Variants in FYCO1 observed in about 807,000 individuals in gnomAD.
The protein encoded by FYCO1 is FYVE and coiled-coil domain-containing protein 1.
A neutral mutation model predicts 165.1 loss-of-function variants in FYCO1; 122 were observed. That is an observed-to-expected ratio of 0.74 (90% CI 0.64 to 0.86). The LOEUF (loss-of-function observed/expected upper bound fraction) is 0.86, where lower values mean the gene tolerates loss of function less well. Among genes scored for constraint, FYCO1 ranks in the 40% least tolerant of loss-of-function variants. The pLI is 0.00. For synonymous variants in FYCO1, 648 were observed against 742.5 expected, an observed-to-expected ratio of 0.87 and a Z score of 2.07; for missense variants, 1,702 against 1,810.3, an observed-to-expected ratio of 0.94 and a Z score of 1.09.
In FYCO1 at chr3:45,958,488, C is replaced by T. The variant is rs1235644302; in HGVS notation, c.3719G>A (p.Ser1240Asn). ...CTCTCCCTGGCTAGTGCCTGAGCCA[C>T]TGCTATCAGGGGAGCCAGGGCCTTC... The part of the protein sequence containing the change: ...LSEGPGSPDS[S>N]GSGTSQGEPS... Residue 1240 changes from serine (S) to asparagine (N), a missense_variant, in exon 13 of 18, where the codon AGT (serine) becomes AAT (asparagine). By Grantham distance (46) the Ser-to-Asn change is conservative. Transcript: ENST00000296137. 1.2e-6 allele frequency: 2 copies of T among 1,614,082 alleles called. No individual in the cohort carries two copies. Among genetic ancestry groups the T allele is most frequent in the Admixed American group, 3.3e-5 (2 of 60,030 alleles).
At position 45,958,518 on chromosome 3, in the gene FYCO1, A is replaced by G; in HGVS notation, c.3689T>C (p.Leu1230Pro). ...ATCAGGGGAGCCAGGGCCTTCACTG[A>G]GCTTCTGGAAACAGGCTCGGCAGCA... The part of the protein sequence containing the change: ...ERCCRACFQK[L>P]SEGPGSPDSS... The change falls in exon 13 of 18, where the codon CTC (leucine) becomes CCC (proline). Residue 1230 changes from leucine to proline, a missense_variant. By Grantham distance (98) the Leu-to-Pro change is moderately conservative. Transcript: ENST00000296137. 6.2e-7 allele frequency: 1 copy of G among 1,614,186 alleles called. No individual in the cohort carries two copies. Among genetic ancestry groups the G allele is most frequent in the Non-Finnish European group, 8.5e-7 (1 of 1,180,042 alleles).
chr3:45,958,010 A>T (rs952020434), intron 13 of FYCO1, among the ~76,000 whole-genome samples: 2 of 152,218 alleles, frequency 1.3e-5, no homozygotes, highest in African/African-American at 4.8e-5. Flanking sequence ...TTGGACATGA[A>T]GGAAGAGCGA....
chr3:45,950,525 G>A (rs1704945770), intron 14 of FYCO1, among the ~76,000 whole-genome samples: 1 of 152,110 alleles, frequency 6.6e-6, no homozygotes, highest in Non-Finnish European at 1.5e-5. Flanking sequence ...AAGCGAAGAG[G>A]ATGGGGCCCA....
At chr3:45,946,542 G>T (rs144386806) in intron 14 of FYCO1, 37 of 1,614,106 alleles carry the variant, frequency 2.3e-5, no homozygotes, top group Non-Finnish European at 3.1e-5. Flanking sequence ...CAGCAGCCAG[G>T]AGGAGCATCA....
intron 16 of FYCO1, among the ~76,000 whole-genome samples, chr3:45,926,703 G>T (rs62245105): frequency 1.3e-5 from 2 of 152,182 alleles, no homozygotes; most frequent in East Asian, 1.9e-4. Flanking sequence ...GGTGGCTCAC[G>T]CCCGTAATCT....
rs765697619 is a variant in FYCO1 at position 45,966,811 on chromosome 3, A to G, written c.2523T>C (p.His841=). The change falls in exon 8 of 18, where the codon CAT becomes CAC. Residue 841 remains histidine, a synonymous_variant. Coordinates refer to ENST00000296137, the MANE Select transcript of FYCO1 (RefSeq NM_024513.4). ...KEQNEALNRA[H]VQELLQCSER... ...CCGAGCATTGCAGCAGCTCCTGGAC[A>G]TGGGCTCTGTTAAGGGCTTCATTCT... 7 of 1,610,304 alleles carry G rather than the reference A, an allele frequency of 4.3e-6. No individual in the cohort carries two copies. The highest frequency in any genetic ancestry group is 1.6e-4 in the Middle Eastern group (1 of 6,084).
chr3:45,958,688 A>C, intron 12 of FYCO1, 69 bp from the exon 13 acceptor site: 1 of 1,500,660 alleles, frequency 6.7e-7, no homozygotes, highest in South Asian at 1.1e-5. Flanking sequence ...CTCAGCACCC[A>C]AACTGGGCTC....
rs147079093 is a variant in FYCO1, at chr3:45,946,507, A to C, written c.3944+8742T>G. 121 of 1,613,930 alleles carry C rather than the reference A, an allele frequency of 7.5e-5. No homozygotes were observed. The highest frequency in any genetic ancestry group is 9.3e-5 in the Non-Finnish European group (110 of 1,179,936). On this transcript the variant is annotated intron_variant, in intron 14 of 17. Transcript: ENST00000296137. ...ATGGCAGAGCATGATTACCATGAAG[A>C]CTATGGGTTCAGCAGTTTCAATGAC...
At chr3:45,940,695 C>G (rs921926218) in intron 14 of FYCO1, among the ~76,000 whole-genome samples, 1 of 152,124 alleles carries the variant, frequency 6.6e-6, no homozygotes, top group African/African-American at 2.4e-5. Flanking sequence ...CCATTTGTTC[C>G]TGCTCTAAAA....
intron 15 of FYCO1, among the ~76,000 whole-genome samples, chr3:45,935,444 C>T (rs933068367): frequency 1.6e-4 from 25 of 152,238 alleles, no homozygotes; most frequent in Non-Finnish European, 3.4e-4. Context: ...CACTCTGACT[C>T]CACCTCCTGG....
At position 45,967,537 on chromosome 3, in the gene FYCO1, C is replaced by T. The variant is rs751852686; in HGVS notation, c.1797G>A (p.Gln599=). The change falls in exon 8 of 18, where the codon CAG becomes CAA. Residue 599 remains glutamine, a synonymous_variant. Transcript: ENST00000296137. The stretch of plus-strand genomic sequence containing the variant: ...CCTCTTGCACCTTGGTATCGTCTAA[C>T]TGTGCCTCCTGCAGGCCCCTCTGCT... The part of the protein sequence containing the change: ...EEEQRGLQEA[Q]LDDTKVQEGS... The T allele has an allele frequency of 2.5e-6, 4 of 1,613,936 alleles. No homozygotes were observed. The highest frequency in any genetic ancestry group is 3.4e-6 in the Non-Finnish European group (4 of 1,179,970).
chr3:45,938,844 T>C (rs1704043215), intron 14 of FYCO1, among the ~76,000 whole-genome samples: 1 of 152,188 alleles, frequency 6.6e-6, no homozygotes, highest in African/African-American at 2.4e-5. Context: ...TAGGTAGCCG[T>C]GCAAAATGTA....
At position 45,967,298 on chromosome 3, in the gene FYCO1, G is replaced by A. The variant is rs3796375; in HGVS notation, c.2036C>T (p.Ala679Val). ...SIRHLGDQMEASLLAVRKAKE... is the reference protein window; with the variant it reads ...SIRHLGDQMEVSLLAVRKAKE... ...GGCCTTCCTTACAGCCAGCAAGCTCGCCTCCATCTGGTCACCCAAGTGCCG... is the reference window on the plus strand; with the variant it reads ...GGCCTTCCTTACAGCCAGCAAGCTCACCTCCATCTGGTCACCCAAGTGCCG... The change falls in exon 8 of 18, where the codon GCG becomes GTG. Residue 679 changes from alanine (A) to valine (V), a missense_variant. By Grantham distance (64) the Ala-to-Val change is moderately conservative. Coordinates refer to ENST00000296137, the MANE Select transcript of FYCO1 (RefSeq NM_024513.4). The A allele has an allele frequency of 0.42, 679,558 of 1,613,460 alleles. 149,403 individuals are homozygous for A. The highest frequency in any genetic ancestry group is 0.64 in the East Asian group (28,814 of 44,842).
Position 45,958,507 on chromosome 3 carries a change from G to T in FYCO1, c.3700C>A (p.Pro1234Thr), listed in dbSNP as rs754976353. The T allele has an allele frequency of 1.2e-6, 2 of 1,614,048 alleles. No individual in the cohort carries two copies. Among genetic ancestry groups the T allele is most frequent in the Admixed American group, 3.3e-5 (2 of 60,006 alleles). The change falls in exon 13 of 18, where the codon CCT (proline) becomes ACT (threonine). Residue 1234 changes from proline to threonine, a missense_variant. Transcript: ENST00000296137. ...GAGCCACTGCTATCAGGGGAGCCAG[G>T]GCCTTCACTGAGCTTCTGGAAACAG... is the stretch of plus-strand genomic sequence containing the variant. ...RACFQKLSEG[P>T]GSPDSSGSGT...
chr3:45,941,533 T>C (rs985938088), intron 14 of FYCO1, among the ~76,000 whole-genome samples: 3 of 152,232 alleles, frequency 2.0e-5, no homozygotes, highest in African/African-American at 7.2e-5. Context: ...AAACGGCATT[T>C]TGTAAAGTGA....
chr3:45,962,363 G>A lies in FYCO1; in HGVS notation c.3299C>T (p.Thr1100Ile), dbSNP rs1170702839. 1 of 1,614,148 alleles carries A rather than the reference G, an allele frequency of 6.2e-7. No homozygotes were observed. The highest frequency in any genetic ancestry group is 1.7e-5 in the Admixed American group (1 of 60,022). The change falls in exon 11 of 18, where the codon ACA becomes ATA. Residue 1100 changes from threonine (T) to isoleucine (I), a missense_variant. Physicochemically the swap from Thr to Ile is moderately conservative, Grantham distance 89. Coordinates refer to ENST00000296137, the MANE Select transcript of FYCO1 (RefSeq NM_024513.4). This position sits in a 1 kb window ranked among gnomAD's most constrained non-coding sequence, Gnocchi z 4.4. Reference sequence around the variant, plus strand: ...TTTGTTGTAATACTCTTGGATTTTTGTTGTGGCTTTTTCGAGTTCCTTCTG... The same window carrying A: ...TTTGTTGTAATACTCTTGGATTTTTATTGTGGCTTTTTCGAGTTCCTTCTG... ...RTQKELEKAT[T>I]KIQEYYNKLC... is the part of the protein sequence containing the mutation.
chr3:45,947,716 G>T, intron 14 of FYCO1: 1 of 563,220 alleles, frequency 1.8e-6, no homozygotes, highest in East Asian at 2.9e-5. Flanking sequence ...CAAGTAGGGG[G>T]TCTAAAATTT....
chr3:45,973,881 T>C (rs1706580835), intron 5 of FYCO1, among the ~76,000 whole-genome samples: 1 of 150,756 alleles, frequency 6.6e-6, no homozygotes, highest in South Asian at 2.1e-4. Context: ...AACATGGCAA[T>C]ATCCCATCTC....
rs1706113612 is a variant in FYCO1, at chr3:45,967,310, T to C, written c.2024A>G (p.Asp675Gly). Reference sequence around the variant, plus strand: ...AGCCAGCAAGCTCGCCTCCATCTGGTCACCCAAGTGCCGGATGCTGGCCTG... The same window carrying C: ...AGCCAGCAAGCTCGCCTCCATCTGGCCACCCAAGTGCCGGATGCTGGCCTG... ...AEQASIRHLG[D>G]QMEASLLAVR... The change falls in exon 8 of 18, where the codon GAC (aspartate) becomes GGC (glycine). Residue 675 changes from aspartate to glycine, a missense_variant. By Grantham distance (94) the Asp-to-Gly change is moderately conservative (BLOSUM62 -1). Coordinates refer to ENST00000296137, the MANE Select transcript of FYCO1 (RefSeq NM_024513.4). 1 of 1,613,766 alleles carries C rather than the reference T, an allele frequency of 6.2e-7. No individual in the cohort carries two copies.
Sources: allele counts gnomAD v4.1 joint callset (sites outside exome capture counted in the v4.1 genomes callset), GRCh38; gene constraint gnomAD v4.1.1; non-coding constraint Gnocchi (gnomAD v3.1); transcripts MANE v1.5; gene names NCBI Gene and HGNC (gene_info 2026-07-23, HGNC 2026-07-21).